RBFOX1: variants seen among roughly 807,000 people sequenced by gnomAD.
RBFOX1 encodes the protein RNA binding protein fox-1 homolog 1.
Under a neutral mutation model 57.7 loss-of-function variants are expected in RBFOX1, and 8 were observed. The ratio of observed to expected loss-of-function variants is 0.14; its 90% CI spans 0.08 to 0.25. The LOEUF is 0.25. RBFOX1 is among the 10% of genes least tolerant of loss of function. RBFOX1 has a pLI of 1.00. For synonymous variants in RBFOX1, 326 were observed against 222.4 expected (o/e 1.47, Z -4.15); for missense variants, 611 against 548.5 (o/e 1.11, Z -1.14).
At chr16:7,572,890 G>C (rs977154762) in intron 5 of RBFOX1, among the ~76,000 whole-genome samples, 4 of 117,048 alleles carry the variant, frequency 3.4e-5, no homozygotes, top group Admixed American at 9.0e-5. Context: ...AATGTCAATG[G>C]TACTGACATT....
chr16:6,805,220 G>A (rs571047660), intron 3 of RBFOX1, among the ~76,000 whole-genome samples: 1 of 152,278 alleles, frequency 6.6e-6, no homozygotes, highest in South Asian at 2.1e-4. Context: ...CATAAAAAAT[G>A]AGATCCTGTC....
intron 4 of RBFOX1, among the ~76,000 whole-genome samples, chr16:7,089,885 T>C (rs147926381): frequency 6.9e-6 from 1 of 145,324 alleles, no homozygotes; most frequent in Non-Finnish European, 1.5e-5. Flanking sequence ...TCTGTTTACA[T>C]CTTTAATTCA....
At chr16:5,296,150 C>T (rs1252450255) in intron 1 of RBFOX1, among the ~76,000 whole-genome samples, 1 of 152,182 alleles carries the variant, frequency 6.6e-6, no homozygotes, top group Non-Finnish European at 1.5e-5. Flanking sequence ...TAATCTTGAG[C>T]CCTGAATCTT....
intron 4 of RBFOX1, among the ~76,000 whole-genome samples, chr16:7,492,927 G>A (rs909467365): frequency 1.1e-4 from 17 of 152,098 alleles, no homozygotes; most frequent in African/African-American, 3.6e-4. Flanking sequence ...CCCCCAGGCT[G>A]GAGTGCAGTG....
At chr16:6,672,497 G>A (rs76216835) in intron 3 of RBFOX1, among the ~76,000 whole-genome samples, 1 of 150,396 alleles carries the variant, frequency 6.6e-6, no homozygotes, top group Non-Finnish European at 1.5e-5. Context: ...AGGGAGGGAG[G>A]AAGAAAGGAA....
intron 1 of RBFOX1, among the ~76,000 whole-genome samples, chr16:5,415,976 A>C (rs1365316881): frequency 6.6e-6 from 1 of 152,210 alleles, no homozygotes; most frequent in African/African-American, 2.4e-5. Context: ...GGTGGAGCTG[A>C]GAGCTGTAAC....
intron 2 of RBFOX1, among the ~76,000 whole-genome samples, chr16:6,475,063 T>C (rs1450612131): frequency 3.3e-5 from 5 of 152,198 alleles, no homozygotes; most frequent in Non-Finnish European, 7.3e-5. Flanking sequence ...TGTGTGCTTA[T>C]AATGTTTTAG....
At chr16:7,440,883 A>C (rs1186105033) in intron 4 of RBFOX1, among the ~76,000 whole-genome samples, 1 of 152,108 alleles carries the variant, frequency 6.6e-6, no homozygotes, top group Non-Finnish European at 1.5e-5. Flanking sequence ...GATATAGTAC[A>C]GCTCAATTAG....
chr16:6,190,587 A>G (rs1437700234), intron 1 of RBFOX1, among the ~76,000 whole-genome samples: 1 of 152,246 alleles, frequency 6.6e-6, no homozygotes, highest in African/African-American at 2.4e-5. Context: ...TGCCTGTAAC[A>G]TATAAGCACT....
intron 1 of RBFOX1, among the ~76,000 whole-genome samples, chr16:6,086,392 A>G (rs1057401920): frequency 2.0e-5 from 3 of 152,160 alleles, no homozygotes; most frequent in African/African-American, 7.2e-5. Context: ...TACTCTGTAT[A>G]GTGTTTAATC....
intron 4 of RBFOX1, among the ~76,000 whole-genome samples, chr16:7,332,308 T>C (rs1490205056): frequency 3.9e-5 from 6 of 152,218 alleles, no homozygotes; most frequent in African/African-American, 1.4e-4. Flanking sequence ...ACATAACACG[T>C]GTAAATAATT....
chr16:7,302,774 C>A (rs1288948575), intron 4 of RBFOX1, among the ~76,000 whole-genome samples: 1 of 144,882 alleles, frequency 6.9e-6, no homozygotes. Context: ...GGACCAAGGA[C>A]GAGTTAGAGT....
chr16:7,093,653 C>T (rs117827499), intron 4 of RBFOX1, among the ~76,000 whole-genome samples: 2 of 152,098 alleles, frequency 1.3e-5, no homozygotes, highest in Non-Finnish European at 2.9e-5. Context: ...CTTACATCTT[C>T]CCCCTCTAGC....
chr16:7,662,134 A>G (rs773214737), intron 12 of RBFOX1, among the ~76,000 whole-genome samples: 1 of 152,214 alleles, frequency 6.6e-6, no homozygotes, highest in Non-Finnish European at 1.5e-5. Flanking sequence ...ACAGCCTCCA[A>G]GGCCTGGGAT....
At chr16:6,848,342 A>G (rs1291163614) in intron 3 of RBFOX1, among the ~76,000 whole-genome samples, 1 of 152,230 alleles carries the variant, frequency 6.6e-6, no homozygotes, top group East Asian at 1.9e-4. Context: ...TGGCATCTGC[A>G]TTTTTTATGA....
chr16:6,003,602 C>T (rs944553193), intron 4 of RBFOX1, among the ~76,000 whole-genome samples: 1 of 151,932 alleles, frequency 6.6e-6, no homozygotes, highest in African/African-American at 2.4e-5. Context: ...GCGACAGCTT[C>T]CTGATCACCT....
intron 4 of RBFOX1, among the ~76,000 whole-genome samples, chr16:5,960,756 C>G (rs1037161074): frequency 1.3e-5 from 2 of 152,174 alleles, no homozygotes; most frequent in Non-Finnish European, 2.9e-5. Context: ...AACCCCAACA[C>G]AGTGAAAAGC....
intron 1 of RBFOX1, among the ~76,000 whole-genome samples, chr16:6,156,964 C>G (rs2096842645): frequency 6.6e-6 from 1 of 152,034 alleles, no homozygotes; most frequent in Admixed American, 6.6e-5. Context: ...CTTTGCTTCT[C>G]AAGTTGCTGG....
chr16:7,020,879 A>G (rs1044083168), intron 3 of RBFOX1, among the ~76,000 whole-genome samples: 3 of 152,164 alleles, frequency 2.0e-5, no homozygotes, highest in Admixed American at 2.0e-4. Context: ...GTAATCCCAG[A>G]ACTTTGCGAT....
Sources: allele counts gnomAD v4.1 joint callset (sites outside exome capture counted in the v4.1 genomes callset), GRCh38; gene constraint gnomAD v4.1.1; transcripts MANE v1.5; gene names NCBI Gene and HGNC (gene_info 2026-07-23, HGNC 2026-07-21).